The following SDK1 variants were observed in gnomAD, a reference collection of about 807,000 sequenced individuals.
SDK1 encodes sidekick cell adhesion molecule 1.
In SDK1, 157 loss-of-function variants were observed where a neutral mutation model predicts 245.5. The ratio of observed to expected loss-of-function variants is 0.64; its 90% CI spans 0.56 to 0.73. The LOEUF is 0.73. Ranked by LOEUF, SDK1 falls within the 30% of genes least tolerant of loss-of-function variation. SDK1 has a pLI of 0.00. For missense variants in SDK1, 3,583 were observed against 3,002.3 expected, an observed-to-expected ratio of 1.19 and a Z score of -4.52; for synonymous variants, 1,647 against 1,278.5, an observed-to-expected ratio of 1.29 and a Z score of -6.15.
intron 4 of SDK1, among the ~76,000 whole-genome samples, chr7:3,722,347 G>C (rs1452815506): frequency 2.0e-5 from 3 of 152,114 alleles, no homozygotes; most frequent in Admixed American, 6.6e-5. Flanking sequence ...GAAACAATCA[G>C]AACAATCTCT....
intron 44 of SDK1, among the ~76,000 whole-genome samples, chr7:4,246,127 G>T (rs1018700447): frequency 1.3e-5 from 2 of 152,164 alleles, no homozygotes; most frequent in Non-Finnish European, 2.9e-5. Context: ...CAGTCTAGAT[G>T]CTCCAAGGCT....
intron 1 of SDK1, among the ~76,000 whole-genome samples, chr7:3,395,629 T>C (rs540252979): frequency 3.3e-5 from 5 of 152,116 alleles, no homozygotes; most frequent in South Asian, 2.1e-4. Context: ...GCCTGGACTT[T>C]TCTTTGTGGG....
At chr7:3,726,455 C>G (rs1447813660) in intron 4 of SDK1, among the ~76,000 whole-genome samples, 2 of 152,212 alleles carry the variant, frequency 1.3e-5, no homozygotes, top group South Asian at 2.1e-4. Flanking sequence ...TGAGGCCCAA[C>G]TCTCACCCTT....
At chr7:3,546,822 G>A (rs1168634678) in intron 1 of SDK1, among the ~76,000 whole-genome samples, 1 of 152,074 alleles carries the variant, frequency 6.6e-6, no homozygotes, top group African/African-American at 2.4e-5. Context: ...TCAATCTCAG[G>A]TTACCTACCC....
chr7:3,888,158 C>T (rs1781380135), intron 5 of SDK1, among the ~76,000 whole-genome samples: 1 of 152,218 alleles, frequency 6.6e-6, no homozygotes, highest in Non-Finnish European at 1.5e-5. Context: ...GATGCCGCAC[C>T]TTCTGCCTGG....
chr7:4,254,686 A>G (rs1787523271), intron 44 of SDK1, among the ~76,000 whole-genome samples: 1 of 150,210 alleles, frequency 6.7e-6, no homozygotes, highest in Admixed American at 6.6e-5. Context: ...TTTTGAAAAC[A>G]GATCATTTTT....
chr7:3,603,462 C>G (rs1781314300), intron 1 of SDK1, among the ~76,000 whole-genome samples: 1 of 151,280 alleles, frequency 6.6e-6, no homozygotes, highest in Admixed American at 6.6e-5. Flanking sequence ...TGGGAGTTCA[C>G]TCATGATTTG....
intron 4 of SDK1, among the ~76,000 whole-genome samples, chr7:3,765,254 C>T (rs1484719419): frequency 6.6e-6 from 1 of 152,002 alleles, no homozygotes; most frequent in Non-Finnish European, 1.5e-5. Context: ...GTAGTTTGTT[C>T]CTTATTATCA....
At chr7:4,074,320 C>G (rs1780477909) in intron 20 of SDK1, among the ~76,000 whole-genome samples, 1 of 152,132 alleles carries the variant, frequency 6.6e-6, no homozygotes, top group Non-Finnish European at 1.5e-5. Flanking sequence ...CTGACCTAAG[C>G]TGATTCAAGG....
chr7:3,493,997 A>G (rs1022113045), intron 1 of SDK1, among the ~76,000 whole-genome samples: 7 of 152,226 alleles, frequency 4.6e-5, no homozygotes, highest in African/African-American at 1.7e-4. Context: ...TAGACAGTTC[A>G]TTGAAACAGT....
intron 4 of SDK1, among the ~76,000 whole-genome samples, chr7:3,682,329 C>G (rs1056846499): frequency 5.9e-5 from 9 of 152,302 alleles, no homozygotes; most frequent in African/African-American, 2.2e-4. Context: ...TTCAACTATG[C>G]CACAGTTGCT....
chr7:4,149,156 C>T (rs1346666515), intron 29 of SDK1, 106 bp from the exon 30 acceptor site: 1 of 865,676 alleles, frequency 1.2e-6, no homozygotes. Flanking sequence ...GCAGGCAGCT[C>T]TCATGGGCAA....
intron 37 of SDK1, 119 bp from the exon 38 acceptor site, chr7:4,209,906 T>C: frequency 6.1e-6 from 6 of 987,302 alleles, no homozygotes; most frequent in Admixed American, 2.9e-5. Flanking sequence ...ATTCAGACTT[T>C]TACTGAGTTG....
intron 1 of SDK1, among the ~76,000 whole-genome samples, chr7:3,577,152 A>G (rs1451604698): frequency 6.6e-6 from 1 of 151,850 alleles, no homozygotes; most frequent in Admixed American, 6.6e-5. Context: ...TGAAATCCAC[A>G]CACACTCCTC....
intron 4 of SDK1, among the ~76,000 whole-genome samples, chr7:3,678,741 C>T (rs1783996452): frequency 6.6e-6 from 1 of 152,116 alleles, no homozygotes; most frequent in African/African-American, 2.4e-5. Flanking sequence ...GTACTTAACA[C>T]TATGAAATTG....
At chr7:3,499,158 C>G (rs1038326328) in intron 1 of SDK1, among the ~76,000 whole-genome samples, 3 of 152,168 alleles carry the variant, frequency 2.0e-5, no homozygotes, top group Non-Finnish European at 4.4e-5. Flanking sequence ...ACCTGGCTTT[C>G]TGAATAGCTG....
intron 1 of SDK1, among the ~76,000 whole-genome samples, chr7:3,607,888 T>A (rs770940000): frequency 4.6e-5 from 7 of 152,238 alleles, no homozygotes; most frequent in Non-Finnish European, 7.3e-5. Context: ...GAGACAAGTC[T>A]AGAGCAGCAG....
intron 32 of SDK1, among the ~76,000 whole-genome samples, chr7:4,163,129 G>A (rs955970763): frequency 6.6e-6 from 1 of 152,256 alleles, no homozygotes; most frequent in African/African-American, 2.4e-5. Flanking sequence ...GGAGGTTCCT[G>A]AGGCCAGAAT....
chr7:4,117,860 C>A (rs1397163374), intron 25 of SDK1, among the ~76,000 whole-genome samples: 1 of 152,176 alleles, frequency 6.6e-6, no homozygotes, highest in Admixed American at 6.5e-5. Context: ...GAAGGCCTTT[C>A]CCTCCTTCCT....
Sources: gnomAD v4.1 joint callset for allele counts (sites outside exome capture counted in the v4.1 genomes callset) on GRCh38, gnomAD v4.1.1 for gene constraint, MANE v1.5 for transcripts, NCBI Gene and HGNC (gene_info 2026-07-23, HGNC 2026-07-21) for gene names.